Variants in EEF2K observed in about 807,000 individuals in gnomAD.
The protein encoded by EEF2K is alternative protein EEF2K.
A neutral mutation model predicts 93.8 loss-of-function variants in EEF2K; 70 were observed. The ratio of observed to expected loss-of-function variants is 0.75; its 90% CI spans 0.62 to 0.91. The LOEUF (loss-of-function observed/expected upper bound fraction) is 0.91. Among genes scored for constraint, EEF2K ranks in the 40% least tolerant of loss-of-function variants. EEF2K has a pLI of 0.00. For synonymous variants in EEF2K, 376 were observed against 380.8 expected (o/e 0.99, Z 0.15); for missense variants, 935 against 972.9 (o/e 0.96, Z 0.52).
chr16:22,250,954 A>G (rs764118978), intron 5 of EEF2K, among the ~76,000 whole-genome samples, 197 bp from the exon 6 acceptor site: 1 of 152,134 alleles, frequency 6.6e-6, no homozygotes, highest in African/African-American at 2.4e-5. Flanking sequence ...GACCTTTAAC[A>G]GTGACCTTTA....
At chr16:22,221,476 T>A (rs534111366) in intron 1 of EEF2K, among the ~76,000 whole-genome samples, 31 of 144,830 alleles carry the variant, frequency 2.1e-4, no homozygotes, top group South Asian at 4.4e-4. Flanking sequence ...AAATAACATT[T>A]AAAAAAAAAA....
chr16:22,208,253 T>G (rs1249580757), intron 1 of EEF2K, among the ~76,000 whole-genome samples: 1 of 152,192 alleles, frequency 6.6e-6, no homozygotes, highest in Non-Finnish European at 1.5e-5. Flanking sequence ...AGGGGCGTGG[T>G]GGCTCAGGCC....
chr16:22,283,734 C>T lies in EEF2K; in HGVS notation c.2069-153C>T, dbSNP rs554991225. 6.6e-5 allele frequency among the ~76,000 whole-genome samples: 10 copies of T among 152,204 alleles called. No homozygotes were observed. In the East Asian group the frequency reaches 1.2e-3, roughly 18 times the overall value. On this transcript the variant is annotated intron_variant, in intron 17 of 17. Transcript: ENST00000263026. ...TATCACAGGCCCACCTTTAGAGCCCCGCCCGGAACACCTGGAGGGAGAGGG... is the reference window on the plus strand; with the variant it reads ...TATCACAGGCCCACCTTTAGAGCCCTGCCCGGAACACCTGGAGGGAGAGGG...
chr16:22,251,416 C>A (rs886431056), intron 6 of EEF2K, 94 bp downstream of exon 6: 63 of 1,130,016 alleles, frequency 5.6e-5, no homozygotes, highest in Non-Finnish European at 6.9e-5. Flanking sequence ...ATTTCACCTT[C>A]TTTTTTTTTT....
chr16:22,226,044 G>T (rs2047060556), intron 2 of EEF2K, 69 bp downstream of exon 2: 3 of 1,576,086 alleles, frequency 1.9e-6, no homozygotes, highest in Non-Finnish European at 2.6e-6. Context: ...GGTTGGAGTC[G>T]CTGGTTGGGG....
At chr16:22,279,824 G>A (rs1220554651) in intron 16 of EEF2K, among the ~76,000 whole-genome samples, 9 of 151,962 alleles carry the variant, frequency 5.9e-5, no homozygotes, top group East Asian at 1.9e-4. Flanking sequence ...GTGAAATGCC[G>A]TCTTTACTAA....
Position 22,279,011 on chromosome 16 carries a change from GC to G in EEF2K, c.1890-1185del, listed in dbSNP as rs761490121. Among the ~76,000 whole-genome samples, 21 of 152,182 alleles carry G rather than the reference GC, an allele frequency of 1.4e-4. 1 individual carries two copies. In the East Asian group the frequency reaches 1.9e-3, roughly 14 times the overall value. On this transcript the variant is annotated intron_variant, in intron 16 of 17. Transcript: ENST00000263026. ...GCCATTAGTGCAGATGGCTCTAGAG[GC>G]CTCTGCAGAGGACCCCGCCCCCAAT... is the stretch of plus-strand genomic sequence containing the variant.
chr16:22,276,070 G>A (rs1040300984), intron 16 of EEF2K, among the ~76,000 whole-genome samples: 1 of 152,040 alleles, frequency 6.6e-6, no homozygotes, highest in Non-Finnish European at 1.5e-5. Context: ...TAAGCCTCCT[G>A]CGTAGCTGGG....
intron 1 of EEF2K, among the ~76,000 whole-genome samples, chr16:22,213,609 T>C (rs1262997831): frequency 6.6e-6 from 1 of 152,222 alleles, no homozygotes; most frequent in Non-Finnish European, 1.5e-5. Context: ...ACACATTTAT[T>C]ATCTTATAGT....
At chr16:22,283,304 A>G (rs2047714015) in intron 17 of EEF2K, among the ~76,000 whole-genome samples, 1 of 105,766 alleles carries the variant, frequency 9.5e-6, no homozygotes, top group Admixed American at 9.0e-5. Flanking sequence ...GTGAGACTCC[A>G]TCTCAAAAAA....
At position 22,266,779 on chromosome 16, in the gene EEF2K, A is replaced by G; in HGVS notation, c.1667A>G (p.Glu556Gly). The change falls in exon 15 of 18, where the codon GAG (glutamate) becomes GGG (glycine). Residue 556 changes from glutamate to glycine, a missense_variant. By Grantham distance (98) the Glu-to-Gly change is moderately conservative (BLOSUM62 -2). Transcript: ENST00000263026. ...CAGGAGTCGGCTGTCTTCCACCTGG[A>G]GCACGCAGCCAACCTGGGCGAGCTG... ...WDQESAVFHL[E>G]HAANLGELEA... The G allele has an allele frequency of 6.2e-7, 1 of 1,614,194 alleles. No individual in the cohort carries two copies. The highest frequency in any genetic ancestry group is 1.1e-5 in the South Asian group (1 of 91,082).
chr16:22,231,352 G>A (rs1024665275), intron 2 of EEF2K, among the ~76,000 whole-genome samples: 2 of 151,092 alleles, frequency 1.3e-5, no homozygotes, highest in African/African-American at 2.4e-5. Flanking sequence ...TCCTGACCTC[G>A]TGATCCACCC....
chr16:22,225,335 G>A (rs770374565), intron 1 of EEF2K, among the ~76,000 whole-genome samples: 4 of 152,160 alleles, frequency 2.6e-5, no homozygotes, highest in Non-Finnish European at 5.9e-5. Context: ...AGCTGCCAGG[G>A]GTGGGCGTTA....
At chr16:22,249,858 C>T (rs939932761) in intron 4 of EEF2K, among the ~76,000 whole-genome samples, 6 of 151,544 alleles carry the variant, frequency 4.0e-5, no homozygotes, top group Admixed American at 6.6e-5. Context: ...CTTGGCTCAT[C>T]GCAACCTCTG....
At chr16:22,257,542 C>A in intron 8 of EEF2K, 101 bp from the exon 9 acceptor site, 1 of 1,552,202 alleles carries the variant, frequency 6.4e-7, no homozygotes, top group Non-Finnish European at 8.7e-7. Flanking sequence ...CCCAGCTTGG[C>A]ACGTTTTATA....
intron 1 of EEF2K, 120 bp from the exon 2 acceptor site, chr16:22,225,534 C>T (rs2047053803): frequency 3.9e-6 from 3 of 771,052 alleles, no homozygotes; most frequent in Non-Finnish European, 4.0e-6. Context: ...AAAGATAGCT[C>T]TAGGTTTTAC....
intron 11 of EEF2K, among the ~76,000 whole-genome samples, chr16:22,261,034 C>T (rs1171356419): frequency 6.6e-6 from 1 of 152,098 alleles, no homozygotes; most frequent in African/African-American, 2.4e-5. Flanking sequence ...TATATTATGG[C>T]AAATTATAAT....
chr16:22,239,395 A>G (rs2047199176), intron 2 of EEF2K, among the ~76,000 whole-genome samples: 1 of 152,172 alleles, frequency 6.6e-6, no homozygotes, highest in South Asian at 2.1e-4. Context: ...ACCTGTACAG[A>G]CATGCTTGGA....
chr16:22,266,404 G>A lies in EEF2K; in HGVS notation c.1455G>A (p.Lys485=), dbSNP rs766455215. 1.2e-6 allele frequency: 2 copies of A among 1,614,124 alleles called. No homozygotes were observed. The highest frequency in any genetic ancestry group is 1.1e-5 in the South Asian group (1 of 91,078). ...TTTCCCTTCAGGTATGTGTAGAGAAGTGGAATCTCCTCAACTCCTCCCGCC... is the reference window on the plus strand; with the variant it reads ...TTTCCCTTCAGGTATGTGTAGAGAAATGGAATCTCCTCAACTCCTCCCGCC... ...LGSSGRVCVE[K]WNLLNSSRLH... The change falls in exon 14 of 18, where the codon AAG becomes AAA. Residue 485 remains lysine, a synonymous_variant. Transcript: ENST00000263026.
Sources: gnomAD v4.1 joint callset for allele counts (sites outside exome capture counted in the v4.1 genomes callset) on GRCh38, gnomAD v4.1.1 for gene constraint, MANE v1.5 for transcripts, NCBI Gene and HGNC (gene_info 2026-07-23, HGNC 2026-07-21) for gene names.